The following CAPG variants were observed in gnomAD, a reference collection of about 807,000 sequenced individuals.
CAPG encodes the protein macrophage-capping protein.
Under a neutral mutation model 44.6 loss-of-function variants are expected in CAPG, and 32 were observed. The ratio of observed to expected loss-of-function variants is 0.72; its 90% confidence interval spans 0.54 to 0.96. The LOEUF (loss-of-function observed/expected upper bound fraction) is 0.96. CAPG is among the 50% of genes least tolerant of loss of function. CAPG has a pLI of 0.00. For synonymous variants in CAPG, 175 were observed against 179.6 expected (o/e 0.97, Z 0.20); for missense variants, 412 against 438.3 (o/e 0.94, Z 0.54).
At chr2:85,412,681 T>C (rs1048049245), upstream of CAPG, among the ~76,000 whole-genome samples, 4 of 151,902 alleles carry the variant, frequency 2.6e-5, no homozygotes, top group African/African-American at 9.7e-5. Flanking sequence ...AACATGCACA[T>C]GTACCCCTGA....
chr2:85,412,039 G>A (rs112543373), upstream of CAPG, among the ~76,000 whole-genome samples: 4 of 151,098 alleles, frequency 2.6e-5, no homozygotes, highest in African/African-American at 9.7e-5. Flanking sequence ...TCCAGCCTGG[G>A]AGACAAAGCA....
chr2:85,391,769 T>C (rs900007034), downstream of CAPG: 1 of 152,656 alleles, frequency 6.6e-6, no homozygotes, highest in Non-Finnish European at 1.5e-5. Context: ...CAGGTGTTTT[T>C]TTCCAAGACA....
chr2:85,401,439 C>G, intron 4 of CAPG, 90 bp downstream of exon 4: 2 of 1,582,192 alleles, frequency 1.3e-6, no homozygotes, highest in South Asian at 2.3e-5. Context: ...CCAAAGGCAC[C>G]CGGGTCTTCT....
rs370525663 is a variant in CAPG, at chr2:85,401,962, G to A, written c.24-5C>T. 17 of 1,613,986 alleles carry A rather than the reference G, an allele frequency of 1.1e-5. No individual in the cohort carries two copies. Among genetic ancestry groups the A allele is most frequent in the East Asian group, 4.5e-5 (2 of 44,886 alleles). On this transcript the variant is annotated splice_polypyrimidine_tract_variant and splice_region_variant and intron_variant, in intron 2 of 9. Transcript: ENST00000263867. ...GAGCCTGGGAATGGAGAGCCACTGC[G>A]AGAAGAGAGAGGGTTGACAGCAGCC...
chr2:85,402,288 A>T (rs1686941061), intron 1 of CAPG, 130 bp from the exon 2 acceptor site: 1 of 693,970 alleles, frequency 1.4e-6, no homozygotes, highest in Non-Finnish European at 2.5e-6. Flanking sequence ...TAGGAGCCCT[A>T]GTTCCATTAT....
At chr2:85,414,430 A>AT (rs34698883), upstream of CAPG, among the ~76,000 whole-genome samples, 552 of 129,578 alleles carry the variant, frequency 4.3e-3, 7 homozygotes, top group South Asian at 0.044. Flanking sequence ...CAGAACTAAG[A>AT]TTTTTTTTTT....
intron 6 of CAPG, 105 bp from the exon 7 acceptor site, chr2:85,398,887 C>T (rs1247515079): frequency 1.1e-6 from 1 of 915,890 alleles, no homozygotes; most frequent in African/African-American, 1.7e-5. Flanking sequence ...CTGCGCCCTG[C>T]ACTAGGGCAC....
chr2:85,400,500 C>T (rs1205098070), intron 5 of CAPG, among the ~76,000 whole-genome samples: 1 of 152,192 alleles, frequency 6.6e-6, no homozygotes, highest in African/African-American at 2.4e-5. Flanking sequence ...TCACCTTCCA[C>T]CTTGCTTAGG....
intron 7 of CAPG, 131 bp downstream of exon 7, chr2:85,398,559 C>CCA: frequency 1.3e-6 from 1 of 744,498 alleles, no homozygotes; most frequent in Non-Finnish European, 2.3e-6. Flanking sequence ...GTATAACTCC[C>CCA]CACCTCCCAC....
intron 1 of CAPG, among the ~76,000 whole-genome samples, chr2:85,404,490 C>A (rs1687054379): frequency 6.6e-6 from 1 of 152,126 alleles, no homozygotes; most frequent in Admixed American, 6.5e-5. Context: ...GTGGCTCACA[C>A]CTGTAATTCC....
At chr2:85,407,025 A>AATTC (rs1256376285) in intron 1 of CAPG, among the ~76,000 whole-genome samples, 6 of 149,524 alleles carry the variant, frequency 4.0e-5, no homozygotes, top group African/African-American at 1.5e-4. Flanking sequence ...CTGCCTCCTG[A>AATTC]GTTGAAGCAA....
rs1573181394 is a variant in CAPG at position 85,401,897 on chromosome 2, C to T, written c.84G>A (p.Lys28=). 2 of 1,613,934 alleles carry T rather than the reference C, an allele frequency of 1.2e-6. No homozygotes were observed. Among genetic ancestry groups the T allele is most frequent in the South Asian group, 2.2e-5 (2 of 91,078 alleles). Residue 28 remains lysine (K), a synonymous_variant, in exon 3 of 10, where the codon AAG becomes AAA. Transcript: ENST00000263867. ...CTTGCGCCACAGGCACCGGCTTCAG[C>T]TTCTCCACCCGCCACACATGCAGGC... ...DPGLHVWRVE[K]LKPVPVAQEN...
At chr2:85,404,872 G>C (rs1687073934) in intron 1 of CAPG, among the ~76,000 whole-genome samples, 1 of 151,494 alleles carries the variant, frequency 6.6e-6, no homozygotes, top group Non-Finnish European at 1.5e-5. Context: ...GGAGATAGAG[G>C]CTGCAGTAAG....
intron 1 of CAPG, chr2:85,408,901 T>C (rs1687296463): frequency 6.6e-6 from 1 of 152,196 alleles, no homozygotes; most frequent in Admixed American, 6.5e-5. Flanking sequence ...GCCCTACACA[T>C]ACCCATACAC....
At chr2:85,403,159 G>A (rs1343630222) in intron 1 of CAPG, among the ~76,000 whole-genome samples, 2 of 152,126 alleles carry the variant, frequency 1.3e-5, no homozygotes, top group Non-Finnish European at 2.9e-5. Flanking sequence ...ACAGAAATGA[G>A]AGATGTGAGA....
chr2:85,412,944 G>A (rs1179593109), upstream of CAPG, among the ~76,000 whole-genome samples: 1 of 152,166 alleles, frequency 6.6e-6, no homozygotes, highest in East Asian at 1.9e-4. Context: ...ATACATGCTC[G>A]ATAAACCCAG....
chr2:85,392,948 C>A (rs974660098), downstream of CAPG, among the ~76,000 whole-genome samples: 4 of 152,032 alleles, frequency 2.6e-5, no homozygotes, highest in Admixed American at 2.0e-4. Flanking sequence ...GGAACATTAG[C>A]AATAATGTAG....
chr2:85,412,105 C>T (rs956108990), upstream of CAPG, among the ~76,000 whole-genome samples: 3 of 151,232 alleles, frequency 2.0e-5, no homozygotes, highest in Admixed American at 6.6e-5. Context: ...CTCATTGAAA[C>T]GAAATTGATA....
At chr2:85,399,086 G>T in intron 6 of CAPG, 50 bp downstream of exon 6, 1 of 1,595,736 alleles carries the variant, frequency 6.3e-7, no homozygotes, top group South Asian at 1.1e-5. Flanking sequence ...CACCTCTCTT[G>T]GCCACTTTCA....
Sources: allele counts gnomAD v4.1 joint callset (sites outside exome capture counted in the v4.1 genomes callset), GRCh38; gene constraint gnomAD v4.1.1; transcripts MANE v1.5; gene names NCBI Gene and HGNC (gene_info 2026-07-23, HGNC 2026-07-21).